The following CRYGN variants were observed in gnomAD, a reference collection of about 807,000 sequenced individuals.
CRYGN encodes the protein gamma-crystallin N.
Under a neutral mutation model 19.2 loss-of-function variants are expected in CRYGN, and 17 were observed. The ratio of observed to expected loss-of-function variants is 0.89; its 90% CI spans 0.61 to 1.33. The LOEUF is 1.33. Among genes scored for constraint, CRYGN ranks in the 40% most tolerant of loss-of-function variants. The pLI, the probability that CRYGN is intolerant of heterozygous loss-of-function variation, is 0.00. For missense variants in CRYGN, 239 were observed against 239.6 expected, an observed-to-expected ratio of 1.00 and a Z score of 0.02; for synonymous variants, 84 against 85.8, an observed-to-expected ratio of 0.98 and a Z score of 0.12.
In CRYGN at chr7:151,429,997, T is replaced by C. The variant is rs753251721; in HGVS notation, c.*51A>G. 2 of 804,396 alleles carry C rather than the reference T, an allele frequency of 2.5e-6. No individual in the cohort carries two copies. Among genetic ancestry groups the C allele is most frequent in the Non-Finnish European group, 4.5e-6 (2 of 440,158 alleles). 49.8% of individuals were successfully genotyped at this position (804,396 alleles called of 1,614,324 possible). On this transcript the variant is annotated 3_prime_UTR_variant, in exon 4 of 4. Transcript: ENST00000337323. ...AGGGCATGATTTTAAGTAAACACTC[T>C]CCCGGCTCAGAAACGGTGCAGGTGC...
rs1358927367 is a variant in CRYGN at position 151,435,389 on chromosome 7, T to C, written c.416+791A>G. Among the ~76,000 whole-genome samples the C allele has an allele frequency of 2.0e-5, 3 of 152,226 alleles. No homozygotes were observed. The highest frequency in any genetic ancestry group is 2.0e-4 in the Admixed American group (3 of 15,296). ...CTTCTGAGTCTCAGCTTGCCCTTTG[T>C]AGAACGGGGGCGATAATATCTACCT... On this transcript the variant is annotated intron_variant, in intron 3 of 3. Coordinates refer to ENST00000337323, the MANE Select transcript of CRYGN (RefSeq NM_144727.3). The surrounding 1 kb of genome is among the most constrained non-coding windows in gnomAD (Gnocchi z 4.2).
At chr7:151,434,346 A>G (rs994293430) in intron 3 of CRYGN, among the ~76,000 whole-genome samples, 3 of 152,164 alleles carry the variant, frequency 2.0e-5, no homozygotes, top group Non-Finnish European at 2.9e-5. Context: ...GGGCCTCAGG[A>G]CATCCTCCAC....
chr7:151,438,266 G>A lies in CRYGN; in HGVS notation c.22-22C>T, dbSNP rs765830404. 10 of 1,591,710 alleles carry A rather than the reference G, an allele frequency of 6.3e-6. No homozygotes were observed. The Admixed American group carries it at 6.7e-5, about 11-fold the overall frequency. ...TGATCTAGAAAGGGCAGGTTACAGAGCTCAGGGTCAGGGGCTTCTCTCCGT... is the reference window on the plus strand; with the variant it reads ...TGATCTAGAAAGGGCAGGTTACAGAACTCAGGGTCAGGGGCTTCTCTCCGT... On this transcript the variant is annotated intron_variant, in intron 1 of 3. Coordinates refer to ENST00000337323, the MANE Select transcript of CRYGN (RefSeq NM_144727.3).
chr7:151,435,438 A>G lies in CRYGN; in HGVS notation c.416+742T>C, dbSNP rs750557944. Among the ~76,000 whole-genome samples, 2 of 152,214 alleles carry G rather than the reference A, an allele frequency of 1.3e-5. No individual in the cohort carries two copies. The highest frequency in any genetic ancestry group is 2.9e-5 in the Non-Finnish European group (2 of 68,040). ...CTGACCTAGAGGTGTGGGCTGGACA[A>G]TGAAAATACATGGCCAACTTGAAGG... On this transcript the variant is annotated intron_variant, in intron 3 of 3. Coordinates refer to ENST00000337323, the MANE Select transcript of CRYGN (RefSeq NM_144727.3). This position sits in a 1 kb window ranked among gnomAD's most constrained non-coding sequence, Gnocchi z 4.2.
In CRYGN at chr7:151,438,056, G is replaced by A. The variant is rs1001920370; in HGVS notation, c.210C>T (p.Pro70=). ...TGTGGCTGTTCCAGCGGAAGAAGTC[G>A]GGGTAGTCGCCGTGCTCCAAGATGA... The part of the protein sequence containing the change: ...QQFILEHGDY[P]DFFRWNSHSD... The change falls in exon 2 of 4, where the codon CCC becomes CCT. Residue 70 remains proline, a synonymous_variant. Transcript: ENST00000337323. 11 of 1,613,918 alleles carry A rather than the reference G, an allele frequency of 6.8e-6. No individual in the cohort carries two copies. The Admixed American group carries it at 8.3e-5, about 12-fold the overall frequency.
At chr7:151,438,270 A>G in intron 1 of CRYGN, 26 bp from the exon 2 acceptor site, 1 of 1,585,022 alleles carries the variant, frequency 6.3e-7, no homozygotes, top group Non-Finnish European at 8.6e-7. Context: ...TACAGAGCTC[A>G]GGGTCAGGGG....
At position 151,438,030 on chromosome 7, in the gene CRYGN, C is replaced by T. The variant is rs1239296371; in HGVS notation, c.236G>A (p.Ser79Asn). 6.2e-7 allele frequency: 1 copy of T among 1,613,964 alleles called. No individual in the cohort carries two copies. Among genetic ancestry groups the T allele is most frequent in the Non-Finnish European group, 8.5e-7 (1 of 1,180,042 alleles). Residue 79 changes from serine to asparagine, a missense_variant, in exon 2 of 4, where the codon AGT (serine) becomes AAT (asparagine). By Grantham distance (46) the Ser-to-Asn change is conservative. Coordinates refer to ENST00000337323, the MANE Select transcript of CRYGN (RefSeq NM_144727.3). ...AGGCCGACAGGAGCCCATGTGGTCA[C>T]TGTGGCTGTTCCAGCGGAAGAAGTC... ...YPDFFRWNSH[S>N]DHMGSCRPVG...
At position 151,436,753 on chromosome 7, in the gene CRYGN, A is replaced by T. The variant is rs1801618750; in HGVS notation, c.271-428T>A. 1 of 154,246 alleles carries T rather than the reference A, an allele frequency of 6.5e-6. No homozygotes were observed. The highest frequency in any genetic ancestry group is 1.4e-5 in the Non-Finnish European group (1 of 69,542). The allele number at this position is 154,246 out of a possible 1,614,324, so 9.6% of individuals were successfully genotyped here. A position where few individuals can be genotyped will look rare whatever the true frequency, so the allele number is the denominator to read the frequency against. The stretch of plus-strand genomic sequence containing the variant: ...GCCACAGCCCATGGGCAAGCCTTCA[A>T]ATGATAACATTTTAAAACTGTAATA... On this transcript the variant is annotated intron_variant, in intron 2 of 3. Transcript: ENST00000337323. The surrounding 1 kb of genome is among the most constrained non-coding windows in gnomAD (Gnocchi z 5.1).
chr7:151,433,883 G>A lies in CRYGN; in HGVS notation c.416+2297C>T, dbSNP rs1453081636. On this transcript the variant is annotated intron_variant, in intron 3 of 3. Transcript: ENST00000337323. The surrounding 1 kb of genome is among the most constrained non-coding windows in gnomAD (Gnocchi z 5.1). ...GGCCTGTCCTGCCCACATCAGCACC[G>A]TGCCCTTCCCCAGGTGAGGGTAGGT... 1.3e-5 allele frequency among the ~76,000 whole-genome samples: 2 copies of A among 152,186 alleles called. No homozygotes were observed. Among genetic ancestry groups the A allele is most frequent in the Admixed American group, 6.5e-5 (1 of 15,282 alleles).
chr7:151,439,870 T>C, intron 1 of CRYGN, 27 bp downstream of exon 1: 2 of 1,552,398 alleles, frequency 1.3e-6, no homozygotes, highest in Middle Eastern at 1.7e-4. Context: ...CCCACTCGGT[T>C]TCCTTGGGGT....
chr7:151,438,275 C>G (rs1801673595), intron 1 of CRYGN, 31 bp from the exon 2 acceptor site: 7 of 1,581,758 alleles, frequency 4.4e-6, no homozygotes, highest in Non-Finnish European at 6.0e-6. Flanking sequence ...AGCTCAGGGT[C>G]AGGGGCTTCT....
chr7:151,434,113 C>T (rs796922332), intron 3 of CRYGN, among the ~76,000 whole-genome samples: 109 of 152,222 alleles, frequency 7.2e-4, no homozygotes, highest in African/African-American at 2.4e-3. Flanking sequence ...GACCTGGGGG[C>T]GTTACCTCCT....
rs1199147390 is a variant in CRYGN, at chr7:151,433,693, C to T, written c.416+2487G>A. Reference sequence around the variant, plus strand: ...AGGCACCTCAGAGAGTCAGCTGGTCCTTTCCTACCCTGTGGTGGGCAAGAA... The same window carrying T: ...AGGCACCTCAGAGAGTCAGCTGGTCTTTTCCTACCCTGTGGTGGGCAAGAA... On this transcript the variant is annotated intron_variant, in intron 3 of 3. Transcript: ENST00000337323. The surrounding 1 kb of genome is among the most constrained non-coding windows in gnomAD (Gnocchi z 5.1). 1 of 154,902 alleles carries T rather than the reference C, an allele frequency of 6.5e-6. No individual in the cohort carries two copies. The highest frequency in any genetic ancestry group is 1.9e-4 in the East Asian group (1 of 5,184). The allele number at this position is 154,902 out of a possible 1,614,324, so 9.6% of individuals were successfully genotyped here. A position where few individuals can be genotyped will look rare whatever the true frequency, so the allele number is the denominator to read the frequency against.
rs909242379 is a variant in CRYGN, at chr7:151,435,669, A to C, written c.416+511T>G. Among the ~76,000 whole-genome samples the C allele has an allele frequency of 2.0e-5, 3 of 150,116 alleles. No homozygotes were observed. The highest frequency in any genetic ancestry group is 1.3e-4 in the Admixed American group (2 of 15,148). ...AGAGGCCAGGGTGGTGGGGGTTTGCAGAGAGGCCCGGTTCAGGGGTCAGCT... is the reference window on the plus strand; with the variant it reads ...AGAGGCCAGGGTGGTGGGGGTTTGCCGAGAGGCCCGGTTCAGGGGTCAGCT... On this transcript the variant is annotated intron_variant, in intron 3 of 3. Transcript: ENST00000337323. The surrounding 1 kb of genome is among the most constrained non-coding windows in gnomAD (Gnocchi z 4.2).
At chr7:151,434,862 G>A (rs1244369635) in intron 3 of CRYGN, among the ~76,000 whole-genome samples, 1 of 152,228 alleles carries the variant, frequency 6.6e-6, no homozygotes, top group African/African-American at 2.4e-5. Context: ...TAAAGTCACA[G>A]TTTCCAAGAA....
intron 3 of CRYGN, among the ~76,000 whole-genome samples, chr7:151,432,437 C>T (rs916478444): frequency 2.6e-5 from 4 of 152,222 alleles, no homozygotes; most frequent in Non-Finnish European, 4.4e-5. Context: ...GGTGCCTTCC[C>T]CAGTGCCCTG....
chr7:151,434,549 G>A (rs892971735), intron 3 of CRYGN, among the ~76,000 whole-genome samples: 18 of 152,182 alleles, frequency 1.2e-4, no homozygotes, highest in Admixed American at 4.6e-4. Context: ...TCAGGCCACC[G>A]GGGAAAGGTG....
At chr7:151,432,328 C>A (rs1801490782) in intron 3 of CRYGN, 1 of 1,116,120 alleles carries the variant, frequency 9.0e-7, no homozygotes, top group Non-Finnish European at 1.1e-6. Flanking sequence ...CCAGGAAGTC[C>A]CCCGGGACTC....
intron 3 of CRYGN, among the ~76,000 whole-genome samples, chr7:151,434,580 T>C (rs73476454): frequency 0.019 from 2,922 of 152,294 alleles, 69 homozygotes; most frequent in East Asian, 0.056. Context: ...AGTCCCTCCC[T>C]ATCCCTGGGA....
Sources: gnomAD v4.1 joint callset for allele counts (sites outside exome capture counted in the v4.1 genomes callset) on GRCh38, gnomAD v4.1.1 for gene constraint, Gnocchi (gnomAD v3.1) non-coding constraint, MANE v1.5 for transcripts, NCBI Gene and HGNC (gene_info 2026-07-23, HGNC 2026-07-21) for gene names.